Variants in ENTREP2 observed in about 807,000 individuals in gnomAD.
ENTREP2 encodes protein ENTREP2.
chr15:29,157,329 T>G, the ENTREP2 span, among the ~76,000 whole-genome samples: 1 of 152,278 alleles, frequency 6.6e-6, no homozygotes, highest in Admixed American at 6.5e-5. Flanking sequence ...TGTGTCCTCA[T>G]TCCCCTCTCC....
the ENTREP2 span, among the ~76,000 whole-genome samples, chr15:29,132,633 C>A: frequency 6.6e-6 from 1 of 152,200 alleles, no homozygotes; most frequent in African/African-American, 2.4e-5. Context: ...AAGGGTGTCG[C>A]ATTGGTTTCA....
chr15:29,148,434 A>T, the ENTREP2 span, among the ~76,000 whole-genome samples: 1 of 152,202 alleles, frequency 6.6e-6, no homozygotes, highest in South Asian at 2.1e-4. Flanking sequence ...AAATCGGTGG[A>T]GGGTGAAGTC....
the ENTREP2 span, chr15:29,121,716 T>C: frequency 2.6e-5 from 4 of 152,208 alleles, no homozygotes; most frequent in Non-Finnish European, 4.4e-5. Flanking sequence ...AAAGTGCAGG[T>C]TGTCATCAAA....
chr15:29,309,228 A>G, the ENTREP2 span, among the ~76,000 whole-genome samples: 1 of 152,212 alleles, frequency 6.6e-6, no homozygotes, highest in Non-Finnish European at 1.5e-5. Context: ...CATTAATTTG[A>G]GTATAGTGAT....
At chr15:29,379,955 G>A in the ENTREP2 span, among the ~76,000 whole-genome samples, 4 of 151,908 alleles carry the variant, frequency 2.6e-5, no homozygotes, top group African/African-American at 7.3e-5. Context: ...TGAAGGCAGC[G>A]CAGTCACCAC....
the ENTREP2 span, among the ~76,000 whole-genome samples, chr15:29,619,050 G>A: frequency 6.6e-6 from 1 of 152,162 alleles, no homozygotes; most frequent in East Asian, 1.9e-4. Context: ...GTTTTGAAGC[G>A]AAATCACCCT....
the ENTREP2 span, among the ~76,000 whole-genome samples, chr15:29,448,406 C>T: frequency 6.6e-6 from 1 of 152,236 alleles, no homozygotes; most frequent in Non-Finnish European, 1.5e-5. Context: ...AATTCACCTA[C>T]TTCCAGAACG....
chr15:29,427,152 C>T, the ENTREP2 span, among the ~76,000 whole-genome samples: 6 of 152,150 alleles, frequency 3.9e-5, no homozygotes, highest in Non-Finnish European at 7.4e-5. Context: ...TCTTTATAAA[C>T]ACTGAGTATA....
chr15:29,364,032 C>G, the ENTREP2 span, among the ~76,000 whole-genome samples: 1 of 152,074 alleles, frequency 6.6e-6, no homozygotes, highest in Non-Finnish European at 1.5e-5. Context: ...AGGATAAATG[C>G]AAAACCCTGG....
chr15:29,122,807 C>T, the ENTREP2 span: 1 of 153,758 alleles, frequency 6.5e-6, no homozygotes, highest in Non-Finnish European at 1.4e-5. Context: ...CTAACACTAC[C>T]TATTTCCTTT....
At chr15:29,623,665 C>T in the ENTREP2 span, among the ~76,000 whole-genome samples, 1 of 152,068 alleles carries the variant, frequency 6.6e-6, no homozygotes, top group Non-Finnish European at 1.5e-5. Context: ...AGGTGTCACA[C>T]TGGTTTTGTT....
chr15:29,448,188 A>C, the ENTREP2 span, among the ~76,000 whole-genome samples: 1 of 152,158 alleles, frequency 6.6e-6, no homozygotes, highest in Non-Finnish European at 1.5e-5. Flanking sequence ...ATCTTGAAAA[A>C]CAGTGGCCTA....
chr15:29,478,800 G>A, the ENTREP2 span, among the ~76,000 whole-genome samples: 1 of 151,462 alleles, frequency 6.6e-6, no homozygotes, highest in Non-Finnish European at 1.5e-5. Context: ...AGCTACTCAG[G>A]AGGCTGAGGC....
At chr15:29,329,706 C>T in the ENTREP2 span, among the ~76,000 whole-genome samples, 1 of 152,080 alleles carries the variant, frequency 6.6e-6, no homozygotes. Flanking sequence ...AAAGTAAGAA[C>T]GTGATAAAAA....
chr15:29,358,248 A>G, the ENTREP2 span, among the ~76,000 whole-genome samples: 1 of 152,228 alleles, frequency 6.6e-6, no homozygotes, highest in Non-Finnish European at 1.5e-5. Flanking sequence ...CTGCAACAAC[A>G]ATCAAAATAA....
the ENTREP2 span, among the ~76,000 whole-genome samples, chr15:29,662,229 A>G: frequency 6.6e-5 from 10 of 151,020 alleles, no homozygotes; most frequent in Non-Finnish European, 1.5e-4. Flanking sequence ...AAAAAAAAAA[A>G]AAAAGAAAGA....
the ENTREP2 span, among the ~76,000 whole-genome samples, chr15:29,228,892 A>T: frequency 1.3e-5 from 2 of 152,164 alleles, no homozygotes; most frequent in Admixed American, 1.3e-4. Context: ...AAAATGCAAA[A>T]ATTGCCAAAT....
chr15:29,439,762 C>T, the ENTREP2 span, among the ~76,000 whole-genome samples: 1 of 152,218 alleles, frequency 6.6e-6, no homozygotes, highest in Admixed American at 6.5e-5. Context: ...GGAGGCAAAG[C>T]TTAATCCTCC....
At chr15:29,282,764 A>T in the ENTREP2 span, among the ~76,000 whole-genome samples, 4 of 152,226 alleles carry the variant, frequency 2.6e-5, no homozygotes, top group African/African-American at 9.6e-5. Context: ...AGAGGGCTTC[A>T]GGCATACCGG....
Sources: gnomAD v4.1 joint callset for allele counts (sites outside exome capture counted in the v4.1 genomes callset) on GRCh38, gnomAD v4.1.1 for gene constraint, MANE v1.5 for transcripts, NCBI Gene and HGNC (gene_info 2026-07-23, HGNC 2026-07-21) for gene names.